ST6GALNAC3: variants seen among roughly 807,000 people sequenced by gnomAD.
ST6GALNAC3 encodes ST6 N-acetylgalactosaminide alpha-2,6-sialyltransferase 3, also known as alpha-N-acetylgalactosaminide alpha-2,6-sialyltransferase 3.
ST6GALNAC3 carries 25 observed loss-of-function variants against 32.7 expected under a neutral mutation model. That is an observed-to-expected ratio of 0.76 (90% CI 0.56 to 1.07). ST6GALNAC3 has a LOEUF of 1.07. Ranked by LOEUF, ST6GALNAC3 falls within the 50% of genes least tolerant of loss-of-function variation. ST6GALNAC3 has a pLI of 0.00. For missense variants in ST6GALNAC3, 355 were observed against 382.4 expected (o/e 0.93, Z 0.60); for synonymous variants, 129 against 133.1 (o/e 0.97, Z 0.21).
chr1:76,584,725 G>C (rs902371546), intron 3 of ST6GALNAC3, among the ~76,000 whole-genome samples: 3 of 152,192 alleles, frequency 2.0e-5, no homozygotes, highest in Non-Finnish European at 4.4e-5. Context: ...AGTCATGCTA[G>C]CTCTAAAGAA....
chr1:76,493,799 G>C (rs1286910981), intron 3 of ST6GALNAC3, among the ~76,000 whole-genome samples: 1 of 152,090 alleles, frequency 6.6e-6, no homozygotes, highest in Non-Finnish European at 1.5e-5. Flanking sequence ...AAGAGGTATT[G>C]AATTCAGCCA....
chr1:76,129,818 G>C (rs1474410675), intron 1 of ST6GALNAC3, among the ~76,000 whole-genome samples: 3 of 152,160 alleles, frequency 2.0e-5, no homozygotes, highest in Non-Finnish European at 4.4e-5. Flanking sequence ...CTGCTGTGAG[G>C]CACCAGAAGA....
chr1:76,525,771 T>TTA (rs1662836062), intron 3 of ST6GALNAC3, among the ~76,000 whole-genome samples: 1 of 93,104 alleles, frequency 1.1e-5, no homozygotes, highest in Non-Finnish European at 2.3e-5. Context: ...GTATGTGTGT[T>TTA]TGTGTGTGTG....
chr1:76,557,856 G>T (rs1330669597), intron 3 of ST6GALNAC3, among the ~76,000 whole-genome samples: 14 of 151,998 alleles, frequency 9.2e-5, no homozygotes, highest in Non-Finnish European at 2.9e-5. Flanking sequence ...GGAATGTGTG[G>T]AGTCATTCCA....
At chr1:76,416,473 A>C (rs1442414101) in intron 3 of ST6GALNAC3, among the ~76,000 whole-genome samples, 2 of 152,074 alleles carry the variant, frequency 1.3e-5, no homozygotes, top group African/African-American at 4.8e-5. Flanking sequence ...TAGTAGTTAA[A>C]GTGATTCATG....
intron 1 of ST6GALNAC3, among the ~76,000 whole-genome samples, chr1:76,178,286 G>A (rs2100449973): frequency 6.6e-6 from 1 of 152,332 alleles, no homozygotes; most frequent in East Asian, 1.9e-4. Flanking sequence ...TTACGAGATG[G>A]ATGAAATAGG....
chr1:76,175,510 C>T (rs1413816428), intron 1 of ST6GALNAC3, among the ~76,000 whole-genome samples: 2 of 137,128 alleles, frequency 1.5e-5, no homozygotes, highest in African/African-American at 2.6e-5. Flanking sequence ...GAATCAGCTG[C>T]CCTGATGGAT....
chr1:76,412,491 G>T, intron 3 of ST6GALNAC3, 74 bp downstream of exon 3: 1 of 1,415,766 alleles, frequency 7.1e-7, no homozygotes, highest in Non-Finnish European at 9.4e-7. Flanking sequence ...TCCTTTTGCA[G>T]GATATAAAAT....
Position 76,634,283 on chromosome 1 carries a change from G to A in ST6GALNAC3, c.*5477G>A, listed in dbSNP as rs1649436568. ...AGCTATTTCTAAGAAACTTCAAAAA[G>A]ATCAAAACGAGGCAATTTTATAGCT... On this transcript the variant is annotated 3_prime_UTR_variant, in exon 5 of 5. Transcript: ENST00000328299. 1 of 544,380 alleles carries A rather than the reference G, an allele frequency of 1.8e-6. No individual in the cohort carries two copies. The highest frequency in any genetic ancestry group is 2.3e-6 in the Non-Finnish European group (1 of 426,934). The allele number at this position is 544,380 out of a possible 1,614,324, so 33.7% of individuals were successfully genotyped here. A position where few individuals can be genotyped will look rare whatever the true frequency, so the allele number is the denominator to read the frequency against.
At chr1:76,446,156 G>A (rs1656951795) in intron 3 of ST6GALNAC3, among the ~76,000 whole-genome samples, 1 of 152,048 alleles carries the variant, frequency 6.6e-6, no homozygotes, top group Non-Finnish European at 1.5e-5. Flanking sequence ...AGATGATATT[G>A]TTCTTTTTTC....
At chr1:76,405,353 A>G (rs1222712916) in intron 2 of ST6GALNAC3, among the ~76,000 whole-genome samples, 2 of 151,990 alleles carry the variant, frequency 1.3e-5, no homozygotes, top group African/African-American at 4.8e-5. Flanking sequence ...TATTTATTCT[A>G]TTGTCTATAA....
At chr1:76,415,115 T>A (rs1654525438) in intron 3 of ST6GALNAC3, among the ~76,000 whole-genome samples, 1 of 151,304 alleles carries the variant, frequency 6.6e-6, no homozygotes, top group South Asian at 2.1e-4. Context: ...ATTCCCATGA[T>A]CTTTCTTTTT....
intron 3 of ST6GALNAC3, among the ~76,000 whole-genome samples, chr1:76,523,933 C>G (rs2101799316): frequency 6.6e-6 from 1 of 152,242 alleles, no homozygotes; most frequent in East Asian, 1.9e-4. Flanking sequence ...CTACCCATGT[C>G]AAGAATCAGC....
rs1161349168 is a variant in ST6GALNAC3, at chr1:76,204,029, C to T, written c.19-109776C>T. ...CAACTTTTATCAACCCTTTAATCAA[C>T]CTTTGTTTATCCCCTTACCCCCACT... On this transcript the variant is annotated intron_variant, in intron 1 of 4. Coordinates refer to ENST00000328299, the MANE Select transcript of ST6GALNAC3 (RefSeq NM_152996.4). 2.0e-5 allele frequency among the ~76,000 whole-genome samples: 3 copies of T among 152,112 alleles called. No homozygotes were observed. The East Asian group carries it at 5.8e-4, about 29-fold the overall frequency.
At chr1:76,542,421 G>A (rs1362562318) in intron 3 of ST6GALNAC3, among the ~76,000 whole-genome samples, 1 of 152,174 alleles carries the variant, frequency 6.6e-6, no homozygotes, top group Non-Finnish European at 1.5e-5. Context: ...AATGAAGCCT[G>A]CTATGGAATT....
At chr1:76,311,285 T>C (rs1646758045) in intron 1 of ST6GALNAC3, among the ~76,000 whole-genome samples, 1 of 78,486 alleles carries the variant, frequency 1.3e-5, no homozygotes, top group African/African-American at 4.3e-5. Context: ...TTTTTTCTTT[T>C]TTAAAAAAAT....
chr1:76,149,980 C>T (rs1477066421), intron 1 of ST6GALNAC3, among the ~76,000 whole-genome samples: 1 of 152,098 alleles, frequency 6.6e-6, no homozygotes, highest in African/African-American at 2.4e-5. Flanking sequence ...TTGATTCCTC[C>T]TAGGAGGGAC....
intron 1 of ST6GALNAC3, among the ~76,000 whole-genome samples, chr1:76,090,560 C>T (rs1332872350): frequency 2.0e-5 from 3 of 152,172 alleles, no homozygotes; most frequent in African/African-American, 4.8e-5. Context: ...ATCTCATTCC[C>T]TTTCTTATCT....
chr1:76,391,722 C>T (rs1652581748), intron 2 of ST6GALNAC3, among the ~76,000 whole-genome samples: 1 of 152,070 alleles, frequency 6.6e-6, no homozygotes, highest in African/African-American at 2.4e-5. Flanking sequence ...TTCTATTTCT[C>T]TACCAGTTCA....
Sources: gnomAD v4.1 joint callset for allele counts (sites outside exome capture counted in the v4.1 genomes callset) on GRCh38, gnomAD v4.1.1 for gene constraint, MANE v1.5 for transcripts, NCBI Gene and HGNC (gene_info 2026-07-23, HGNC 2026-07-21) for gene names.